Variants in RUNX1T1 observed in about 807,000 individuals in gnomAD.
RUNX1T1 encodes the protein RUNX1 partner transcriptional co-repressor 1.
Under a neutral mutation model 62.8 loss-of-function variants are expected in RUNX1T1, and 4 were observed. The ratio of observed to expected loss-of-function variants is 0.06; its 90% confidence interval spans 0.03 to 0.15. RUNX1T1 has a LOEUF of 0.15. Ranked by LOEUF, RUNX1T1 falls within the 10% of genes least tolerant of loss-of-function variation. The probability of loss-of-function intolerance (pLI) is 1.00; values close to 1 mark genes in which losing one functional copy is unlikely to be tolerated. For missense variants in RUNX1T1, 508 were observed against 754.3 expected (o/e 0.67, Z 3.82); for synonymous variants, 291 against 286.0 (o/e 1.02, Z -0.18).
intron 9 of RUNX1T1, among the ~76,000 whole-genome samples, chr8:91,971,460 G>T (rs1812810731): frequency 6.6e-6 from 1 of 152,120 alleles, no homozygotes; most frequent in Admixed American, 6.5e-5. Context: ...ACTATTAGTT[G>T]CTGGCATAAT....
exon 11 of RUNX1T1, chr8:91,959,446 G>A (rs57856280): frequency 0.27 from 34,883 of 131,614 alleles, 5,091 homozygotes; most frequent in African/African-American, 0.54. Context: ...GTGTGTGTGT[G>A]TGTGTGTGTG....
At chr8:92,082,439 G>T (rs1171710651) in intron 1 of RUNX1T1, among the ~76,000 whole-genome samples, 1 of 152,100 alleles carries the variant, frequency 6.6e-6, no homozygotes, top group African/African-American at 2.4e-5. Flanking sequence ...TTGGGTAAGA[G>T]AGTAGATCTC....
At chr8:92,037,784 T>C (rs1038038677) in intron 1 of RUNX1T1, among the ~76,000 whole-genome samples, 65 of 152,182 alleles carry the variant, frequency 4.3e-4, no homozygotes, top group African/African-American at 1.5e-3. Flanking sequence ...GAAAGACCAG[T>C]AGGGAAGACC....
intron 6 of RUNX1T1, 84 bp from the exon 8 acceptor site, chr8:91,987,056 G>A (rs1816722229): frequency 1.2e-6 from 1 of 860,206 alleles, no homozygotes; most frequent in Non-Finnish European, 2.0e-6. Context: ...AGGACTATGT[G>A]GGCAAACTCG....
intron 1 of RUNX1T1, among the ~76,000 whole-genome samples, chr8:92,060,549 A>ATGTGTGTG (rs1457607602): frequency 2.8e-4 from 30 of 107,040 alleles, no homozygotes; most frequent in African/African-American, 9.6e-4. Flanking sequence ...ATATATATAT[A>ATGTGTGTG]TATATGTGTG....
At chr8:92,005,694 C>T (rs1198623896) in intron 4 of RUNX1T1, 1 of 157,408 alleles carries the variant, frequency 6.4e-6, no homozygotes, top group Non-Finnish European at 1.4e-5. Context: ...CAATTAATTT[C>T]AGAATAGTTT....
At chr8:92,062,669 T>G in exon 1 of RUNX1T1, 1 of 1,594,914 alleles carries the variant, frequency 6.3e-7, no homozygotes. Flanking sequence ...TCAGAGGGGC[T>G]GGGGCGGCAT....
chr8:92,033,721 G>A (rs1023357728), intron 1 of RUNX1T1, among the ~76,000 whole-genome samples: 3 of 152,074 alleles, frequency 2.0e-5, no homozygotes, highest in Non-Finnish European at 2.9e-5. Context: ...CCTATAATCC[G>A]AGAACTTTGG....
intron 1 of RUNX1T1, among the ~76,000 whole-genome samples, chr8:92,036,086 C>T (rs546113710): frequency 6.6e-6 from 1 of 152,232 alleles, no homozygotes; most frequent in South Asian, 2.1e-4. Flanking sequence ...TCTAAATTCC[C>T]ATCCACTTAC....
chr8:92,035,599 A>G (rs6982094), intron 1 of RUNX1T1, among the ~76,000 whole-genome samples: 35,343 of 152,076 alleles, frequency 0.23, 4,344 homozygotes, highest in African/African-American at 0.31. Context: ...CATATTTATC[A>G]TTTCTTAATA....
chr8:92,085,086 C>T (rs1044910694), intron 1 of RUNX1T1, among the ~76,000 whole-genome samples: 18 of 152,134 alleles, frequency 1.2e-4, no homozygotes, highest in African/African-American at 4.1e-4. Context: ...CATTATTATC[C>T]AGATGAAAAT....
chr8:91,965,985 T>C (rs564344832), intron 10 of RUNX1T1, among the ~76,000 whole-genome samples: 2 of 151,922 alleles, frequency 1.3e-5, no homozygotes, highest in South Asian at 4.2e-4. Context: ...CACAGAAACG[T>C]TATCCCAAAT....
intron 1 of RUNX1T1, among the ~76,000 whole-genome samples, chr8:92,085,438 T>C (rs1835948423): frequency 6.6e-6 from 1 of 152,358 alleles, no homozygotes; most frequent in East Asian, 1.9e-4. Context: ...CTACAGACAT[T>C]CTTCTGCTCC....
upstream of RUNX1T1, among the ~76,000 whole-genome samples, chr8:92,065,308 T>C (rs568170305): frequency 6.6e-6 from 1 of 152,294 alleles, no homozygotes; most frequent in South Asian, 2.1e-4. Context: ...ACAATACATA[T>C]TGCAAAAGTT....
intron 2 of RUNX1T1, among the ~76,000 whole-genome samples, chr8:92,074,839 A>C (rs938474434): frequency 6.6e-6 from 1 of 152,330 alleles, no homozygotes; most frequent in Non-Finnish European, 1.5e-5. Flanking sequence ...ACATCATCAC[A>C]GTATGAAGAA....
intron 1 of RUNX1T1, among the ~76,000 whole-genome samples, chr8:92,052,993 C>A (rs1830459282): frequency 6.6e-6 from 1 of 152,120 alleles, no homozygotes; most frequent in South Asian, 2.1e-4. Context: ...AAAGTATCTG[C>A]CGAATTAGCA....
chr8:92,062,425 G>A, intron 1 of RUNX1T1: 1 of 1,091,318 alleles, frequency 9.2e-7, no homozygotes, highest in Non-Finnish European at 1.4e-6. Flanking sequence ...GTCACCCCCA[G>A]CCTCTTCCTG....
At chr8:92,007,791 G>A (rs1030292004) in intron 4 of RUNX1T1, among the ~76,000 whole-genome samples, 1 of 151,958 alleles carries the variant, frequency 6.6e-6, no homozygotes, top group Admixed American at 6.6e-5. Flanking sequence ...GCAACATGGT[G>A]AAACCTCATC....
chr8:92,082,224 T>C (rs1304337032), intron 1 of RUNX1T1, among the ~76,000 whole-genome samples: 1 of 152,210 alleles, frequency 6.6e-6, no homozygotes, highest in Non-Finnish European at 1.5e-5. Flanking sequence ...GTAACTTTTC[T>C]AAGTGCAGTG....
Sources: allele counts gnomAD v4.1 joint callset (sites outside exome capture counted in the v4.1 genomes callset), GRCh38; gene constraint gnomAD v4.1.1; transcripts MANE v1.5; gene names NCBI Gene and HGNC (gene_info 2026-07-23, HGNC 2026-07-21).